Variants in RALYL observed in about 807,000 individuals in gnomAD.
RALYL encodes RNA-binding Raly-like protein.
RALYL carries 29 observed loss-of-function variants against 35.1 expected under a neutral mutation model. The ratio of observed to expected loss-of-function variants is 0.83; its 90% CI spans 0.61 to 1.13. The LOEUF (loss-of-function observed/expected upper bound fraction) is 1.13. RALYL is among the 50% of genes most tolerant of loss of function. The probability of loss-of-function intolerance (pLI) is 0.00; values close to 1 mark genes in which losing one functional copy is unlikely to be tolerated. For missense variants in RALYL, 359 were observed against 360.4 expected (o/e 1.00, Z 0.03); for synonymous variants, 120 against 127.6 (o/e 0.94, Z 0.40).
chr8:84,213,009 G>T (rs1037440627), intron 1 of RALYL, among the ~76,000 whole-genome samples: 11 of 152,096 alleles, frequency 7.2e-5, no homozygotes, highest in African/African-American at 2.7e-4. Flanking sequence ...CATGCCTAAT[G>T]AATTATCATT....
chr8:84,438,850 C>A (rs930222201), intron 1 of RALYL, among the ~76,000 whole-genome samples: 2 of 152,074 alleles, frequency 1.3e-5, no homozygotes, highest in African/African-American at 4.8e-5. Flanking sequence ...GTTCTTTCCC[C>A]ATTGCTTGTT....
At chr8:84,407,655 G>A (rs1303784515) in intron 1 of RALYL, among the ~76,000 whole-genome samples, 2 of 151,860 alleles carry the variant, frequency 1.3e-5, no homozygotes, top group Non-Finnish European at 2.9e-5. Flanking sequence ...ATGGGTTTGA[G>A]GAAAACAAAT....
At chr8:84,668,813 G>A (rs766446018) in intron 2 of RALYL, among the ~76,000 whole-genome samples, 51 of 152,032 alleles carry the variant, frequency 3.4e-4, no homozygotes, top group Admixed American at 2.1e-3. Flanking sequence ...ACAAGACAGA[G>A]AAGGATATTA....
At chr8:84,664,021 A>G (rs1470577813) in intron 2 of RALYL, among the ~76,000 whole-genome samples, 4 of 152,088 alleles carry the variant, frequency 2.6e-5, no homozygotes, top group East Asian at 1.9e-4. Flanking sequence ...TCCAGTTTCA[A>G]TCTTCTGCAT....
chr8:84,756,405 G>T (rs1490120516), intron 2 of RALYL, among the ~76,000 whole-genome samples: 2 of 152,028 alleles, frequency 1.3e-5, no homozygotes, highest in African/African-American at 4.8e-5. Flanking sequence ...ACACATAGCA[G>T]CCCCCACTCC....
chr8:84,690,937 CTA>C (rs1189646375), intron 2 of RALYL, among the ~76,000 whole-genome samples: 1 of 151,898 alleles, frequency 6.6e-6, no homozygotes, highest in Non-Finnish European at 1.5e-5. Context: ...AGAAATGTAA[CTA>C]TATAGGTGGA....
intron 1 of RALYL, among the ~76,000 whole-genome samples, chr8:84,199,770 T>C (rs1816375879): frequency 6.6e-6 from 1 of 152,190 alleles, no homozygotes; most frequent in Admixed American, 6.5e-5. Context: ...CCCCAATGCA[T>C]GTTCTTGGCA....
chr8:84,422,473 A>C (rs1280199158), intron 1 of RALYL, among the ~76,000 whole-genome samples: 2 of 101,252 alleles, frequency 2.0e-5, no homozygotes, highest in South Asian at 3.9e-4. Flanking sequence ...CGGTCTATCA[A>C]TTTTGTTGAT....
Position 84,413,207 on chromosome 8 carries a change from C to T in RALYL, c.-23-116092C>T, listed in dbSNP as rs148574097. 7.7e-3 allele frequency among the ~76,000 whole-genome samples: 1,155 copies of T among 150,606 alleles called. 8 individuals are homozygous for T. Among genetic ancestry groups the T allele is most frequent in the Non-Finnish European group, 0.013 (856 of 67,504 alleles). On this transcript the variant is annotated intron_variant, in intron 1 of 8. Transcript: ENST00000521268. The stretch of plus-strand genomic sequence containing the variant: ...CAAATAAAAATGGTAATTTTAAGAC[C>T]ACTGTGATCAAGTTCTGGAAATTTT...
intron 1 of RALYL, among the ~76,000 whole-genome samples, chr8:84,300,484 G>T (rs2132352869): frequency 6.6e-6 from 1 of 152,088 alleles, no homozygotes; most frequent in South Asian, 2.1e-4. Context: ...TATAGGTCCT[G>T]AATATCTTTG....
intron 3 of RALYL, among the ~76,000 whole-genome samples, chr8:84,779,464 A>G (rs1171962042): frequency 1.3e-5 from 2 of 152,190 alleles, no homozygotes; most frequent in Non-Finnish European, 2.9e-5. Flanking sequence ...TAGTATATAT[A>G]GTTTCATCCC....
chr8:84,584,093 T>C (rs1333664696), intron 2 of RALYL, among the ~76,000 whole-genome samples: 1 of 152,248 alleles, frequency 6.6e-6, no homozygotes. Context: ...TATTTATTTT[T>C]TGTGTTACAA....
chr8:84,821,794 C>G (rs1444647608), intron 4 of RALYL, among the ~76,000 whole-genome samples: 1 of 152,128 alleles, frequency 6.6e-6, no homozygotes, highest in Non-Finnish European at 1.5e-5. Context: ...AGCCACACAT[C>G]ACTTATACTT....
At position 84,504,885 on chromosome 8, in the gene RALYL, C is replaced by T. The variant is rs138606506; in HGVS notation, c.-23-24414C>T. Reference sequence around the variant, plus strand: ...TACTTCAGTATGTATACTCTTGGCCCCAGGGTCACAAGCTGGGAGATTGAA... The same window carrying T: ...TACTTCAGTATGTATACTCTTGGCCTCAGGGTCACAAGCTGGGAGATTGAA... On this transcript the variant is annotated intron_variant, in intron 1 of 8. Transcript: ENST00000521268. Among the ~76,000 whole-genome samples the T allele has an allele frequency of 2.9e-3, 437 of 152,184 alleles. 1 individual carries two copies. Among genetic ancestry groups the T allele is most frequent in the African/African-American group, 0.01 (421 of 41,550 alleles).
At chr8:84,548,980 A>G (rs2060540566) in intron 2 of RALYL, among the ~76,000 whole-genome samples, 1 of 152,148 alleles carries the variant, frequency 6.6e-6, no homozygotes, top group Non-Finnish European at 1.5e-5. Flanking sequence ...TGTACTCGCA[A>G]ATTGGATCAT....
At chr8:84,450,691 A>T (rs535484768) in intron 1 of RALYL, among the ~76,000 whole-genome samples, 2 of 151,988 alleles carry the variant, frequency 1.3e-5, no homozygotes, top group Non-Finnish European at 2.9e-5. Context: ...CTTGTATTTC[A>T]TGAAAAAGTT....
At chr8:84,314,962 A>G (rs892611919) in intron 1 of RALYL, among the ~76,000 whole-genome samples, 4 of 152,250 alleles carry the variant, frequency 2.6e-5, no homozygotes, top group African/African-American at 9.6e-5. Context: ...TCTTTGGTGC[A>G]TAACTTTGGA....
chr8:84,517,912 A>C (rs2058182898), intron 1 of RALYL, among the ~76,000 whole-genome samples: 1 of 152,184 alleles, frequency 6.6e-6, no homozygotes, highest in Non-Finnish European at 1.5e-5. Context: ...TAAAGATGGG[A>C]ATCTCAAGAT....
intron 1 of RALYL, among the ~76,000 whole-genome samples, chr8:84,275,530 A>G (rs1374972839): frequency 2.6e-5 from 4 of 151,878 alleles, no homozygotes; most frequent in African/African-American, 9.7e-5. Flanking sequence ...GCACATAGTT[A>G]CCACTTTCAT....
Sources: gnomAD v4.1 joint callset for allele counts (sites outside exome capture counted in the v4.1 genomes callset) on GRCh38, gnomAD v4.1.1 for gene constraint, MANE v1.5 for transcripts, NCBI Gene and HGNC (gene_info 2026-07-23, HGNC 2026-07-21) for gene names.